The following WDR70 variants were observed in gnomAD, a reference collection of about 807,000 sequenced individuals.
WDR70 encodes the protein WD repeat-containing protein 70.
A neutral mutation model predicts 88.6 loss-of-function variants in WDR70; 53 were observed. The observed-to-expected ratio is 0.60, with a 90% CI of 0.48 to 0.75. WDR70 has a LOEUF of 0.75. WDR70 is among the 30% of genes least tolerant of loss of function. WDR70 has a pLI of 0.00. For missense variants in WDR70, 610 were observed against 823.2 expected (o/e 0.74, Z 3.17); for synonymous variants, 280 against 270.0 (o/e 1.04, Z -0.36).
At chr5:37,401,980 G>C (rs569430268) in intron 5 of WDR70, among the ~76,000 whole-genome samples, 95 of 152,226 alleles carry the variant, frequency 6.2e-4, no homozygotes, top group African/African-American at 2.2e-3. Flanking sequence ...GGAGTAAACA[G>C]TTGTTAACTA....
intron 9 of WDR70, among the ~76,000 whole-genome samples, chr5:37,527,132 T>C (rs1363526221): frequency 6.9e-6 from 1 of 145,464 alleles, no homozygotes; most frequent in Non-Finnish European, 1.5e-5. Context: ...AAAAAACTAC[T>C]TTTAAAGTTT....
Position 37,752,839 on chromosome 5 carries a change from C to G in WDR70, c.*266C>G, listed in dbSNP as rs771407643. The stretch of plus-strand genomic sequence containing the variant: ...ACTTTAGGTATTTGGAAACTTTATT[C>G]AACAATTATTGGTCTTGTCCAGATT... On this transcript the variant is annotated 3_prime_UTR_variant, in exon 18 of 18. Coordinates refer to ENST00000265107, the MANE Select transcript of WDR70 (RefSeq NM_018034.4). The G allele has an allele frequency of 4.6e-4, 142 of 309,982 alleles. No homozygotes were observed. The highest frequency in any genetic ancestry group is 1.5e-3 in the Admixed American group (30 of 19,646). The allele number at this position is 309,982 out of a possible 1,614,324, so 19.2% of individuals were successfully genotyped here. A position where few individuals can be genotyped will look rare whatever the true frequency, so the allele number is the denominator to read the frequency against.
chr5:37,688,047 A>C, intron 10 of WDR70: 1 of 602,958 alleles, frequency 1.7e-6, no homozygotes, highest in Non-Finnish European at 3.1e-6. Flanking sequence ...ATATATGCAT[A>C]CACATCTATA....
At chr5:37,478,628 A>G (rs527601819) in intron 7 of WDR70, among the ~76,000 whole-genome samples, 4 of 152,350 alleles carry the variant, frequency 2.6e-5, no homozygotes, top group African/African-American at 9.6e-5. Context: ...AGCAGCAACA[A>G]CTGTTCCACA....
chr5:37,587,685 A>G (rs1743401275), intron 9 of WDR70, among the ~76,000 whole-genome samples: 2 of 151,804 alleles, frequency 1.3e-5, no homozygotes, highest in African/African-American at 4.8e-5. Flanking sequence ...AAAGTATTTA[A>G]TTTATATTTG....
intron 9 of WDR70, among the ~76,000 whole-genome samples, chr5:37,602,585 C>CT (rs1743918350): frequency 6.6e-6 from 1 of 150,628 alleles, no homozygotes; most frequent in African/African-American, 2.4e-5. Flanking sequence ...GAGATTGTGC[C>CT]ACTACACTCC....
At chr5:37,506,873 T>C in intron 8 of WDR70, 1 of 1,196,566 alleles carries the variant, frequency 8.4e-7, no homozygotes, top group Non-Finnish European at 1.2e-6. Context: ...CTGCCCCCGG[T>C]GGGTCCTGAG....
intron 15 of WDR70, 179 bp from the exon 16 acceptor site, chr5:37,724,755 C>A: frequency 1.6e-6 from 1 of 608,670 alleles, no homozygotes; most frequent in South Asian, 2.0e-5. Context: ...GAGAGGTGAC[C>A]AGTGAGTCTG....
chr5:37,710,500 A>G (rs1747480825), intron 13 of WDR70, among the ~76,000 whole-genome samples: 1 of 152,212 alleles, frequency 6.6e-6, no homozygotes, highest in Non-Finnish European at 1.5e-5. Context: ...TTCGTGGAAG[A>G]CAATATTTCC....
chr5:37,575,833 C>T (rs887808356), intron 9 of WDR70, among the ~76,000 whole-genome samples: 18 of 152,110 alleles, frequency 1.2e-4, no homozygotes, highest in Non-Finnish European at 2.4e-4. Flanking sequence ...ACCAAACTTG[C>T]GATTGGCATC....
chr5:37,456,841 A>G (rs1738855415), intron 7 of WDR70, among the ~76,000 whole-genome samples: 1 of 152,232 alleles, frequency 6.6e-6, no homozygotes, highest in Non-Finnish European at 1.5e-5. Context: ...GTTTCTGTAA[A>G]TAAAGAAAGG....
rs150600732 is a variant in WDR70, at chr5:37,658,042, TAAGTA to T, written c.1093-39601_1093-39597del. On this transcript the variant is annotated intron_variant, in intron 10 of 17. Coordinates refer to ENST00000265107, the MANE Select transcript of WDR70 (RefSeq NM_018034.4). ...AGTAAAGTAAGCTAAAGAAGTAAAG[TAAGTA>T]AAGTAAAGTAAGCTAAATGTTACTG... 4.5e-3 allele frequency among the ~76,000 whole-genome samples: 684 copies of T among 152,246 alleles called. 28 individuals carry two copies. In the East Asian group the frequency reaches 0.082, roughly 18 times the overall value.
chr5:37,694,967 T>A (rs1347871361), intron 10 of WDR70, among the ~76,000 whole-genome samples: 1 of 152,106 alleles, frequency 6.6e-6, no homozygotes, highest in East Asian at 1.9e-4. Flanking sequence ...ATTGGTCTGT[T>A]CTCCCATTGC....
intron 10 of WDR70, among the ~76,000 whole-genome samples, chr5:37,691,821 C>G (rs1286683611): frequency 6.6e-6 from 1 of 151,436 alleles, no homozygotes; most frequent in African/African-American, 2.4e-5. Context: ...AAAAGCTTTT[C>G]AAAAGCTAGC....
intron 8 of WDR70, among the ~76,000 whole-genome samples, chr5:37,483,567 C>A (rs1224916235): frequency 6.6e-6 from 1 of 152,202 alleles, no homozygotes; most frequent in South Asian, 2.1e-4. Context: ...CTTTTCTATT[C>A]CACAAAACCG....
At position 37,402,562 on chromosome 5, in the gene WDR70, G is replaced by C. The variant is rs556265361; in HGVS notation, c.492+5992G>C. The stretch of plus-strand genomic sequence containing the variant: ...GTATATATGACAATTTGATAAATTC[G>C]TAAAATGTGTACAGATTAAAACAGG... On this transcript the variant is annotated intron_variant, in intron 5 of 17. Coordinates refer to ENST00000265107, the MANE Select transcript of WDR70 (RefSeq NM_018034.4). 1.3e-3 allele frequency among the ~76,000 whole-genome samples: 192 copies of C among 152,070 alleles called. 1 individual carries two copies. Among genetic ancestry groups the C allele is most frequent in the African/African-American group, 4.5e-3 (187 of 41,476 alleles).
At chr5:37,508,340 A>T (rs955059975) in intron 8 of WDR70, among the ~76,000 whole-genome samples, 2 of 152,208 alleles carry the variant, frequency 1.3e-5, no homozygotes, top group Non-Finnish European at 1.5e-5. Context: ...ACAGGAGAAG[A>T]TGGCCCATCT....
chr5:37,545,469 AATTTTTC>A (rs1741958053), intron 9 of WDR70, among the ~76,000 whole-genome samples: 1 of 151,808 alleles, frequency 6.6e-6, no homozygotes, highest in Non-Finnish European at 1.5e-5. Flanking sequence ...ATAATCTCAT[AATTTTTC>A]ATTTTGAAGC....
intron 9 of WDR70, among the ~76,000 whole-genome samples, chr5:37,582,706 A>G (rs926153977): frequency 1.3e-5 from 2 of 152,260 alleles, no homozygotes; most frequent in South Asian, 4.1e-4. Context: ...CTGATATAAT[A>G]CAGACCTAAC....
Sources: allele counts gnomAD v4.1 joint callset (sites outside exome capture counted in the v4.1 genomes callset), GRCh38; gene constraint gnomAD v4.1.1; transcripts MANE v1.5; gene names NCBI Gene and HGNC (gene_info 2026-07-23, HGNC 2026-07-21).